Variants in TBC1D22A observed in about 807,000 individuals in gnomAD.
TBC1D22A encodes putative GTPase activator.
In TBC1D22A, 38 loss-of-function variants were observed where a neutral mutation model predicts 60.2. The ratio of observed to expected loss-of-function variants is 0.63; its 90% CI spans 0.49 to 0.83. The LOEUF (loss-of-function observed/expected upper bound fraction) is 0.83, where lower values mean the gene tolerates loss of function less well. Ranked by LOEUF, TBC1D22A falls within the 40% of genes least tolerant of loss-of-function variation. The probability of loss-of-function intolerance (pLI) is 0.00; values close to 1 mark genes in which losing one functional copy is unlikely to be tolerated. For missense variants in TBC1D22A, 628 were observed against 701.0 expected (o/e 0.90, Z 1.18); for synonymous variants, 302 against 281.7 (o/e 1.07, Z -0.72).
At chr22:47,123,316 G>T (rs959322387) in intron 12 of TBC1D22A, among the ~76,000 whole-genome samples, 4 of 152,192 alleles carry the variant, frequency 2.6e-5, no homozygotes, top group African/African-American at 9.7e-5. Context: ...GCTTACTGGG[G>T]GTTTCAGGCC....
chr22:46,842,677 G>A (rs936953729), intron 4 of TBC1D22A, among the ~76,000 whole-genome samples: 1 of 152,222 alleles, frequency 6.6e-6, no homozygotes, highest in Non-Finnish European at 1.5e-5. Context: ...CGCGATCTCC[G>A]ATCAAACTGT....
In TBC1D22A at chr22:46,788,494, G is replaced by A. The variant is rs774149304; in HGVS notation, c.63-4026G>A. On this transcript the variant is annotated intron_variant, in intron 1 of 12. Transcript: ENST00000337137. ...GGTTGGAGCTGAGCAGTGGCACGTG[G>A]CATGGTGGTCACAGGGCTGTTCCTT... is the stretch of plus-strand genomic sequence containing the variant. Among the ~76,000 whole-genome samples, 31 of 152,324 alleles carry A rather than the reference G, an allele frequency of 2.0e-4. No homozygotes were observed. The East Asian group carries it at 6.0e-3, about 29-fold the overall frequency.
chr22:46,877,370 A>G (rs1399761795), intron 4 of TBC1D22A, among the ~76,000 whole-genome samples: 1 of 152,240 alleles, frequency 6.6e-6, no homozygotes, highest in African/African-American at 2.4e-5. Context: ...AGGTTCAGAG[A>G]ACATTAACGA....
Position 46,912,265 on chromosome 22 carries a change from T to A in TBC1D22A, c.1015+77T>A, listed in dbSNP as rs2147784063. The A allele has an allele frequency of 3.8e-6, 4 of 1,049,680 alleles. No homozygotes were observed. In the South Asian group the frequency reaches 5.7e-5, roughly 15 times the overall value. The allele number at this position is 1,049,680 out of a possible 1,614,324, so 65.0% of individuals were successfully genotyped here. A position where few individuals can be genotyped will look rare whatever the true frequency, so the allele number is the denominator to read the frequency against. ...TTACTATGTATAATTATAACAATAT[T>A]GAAAATTGCTACTAAGTGTAATGTT... On this transcript the variant is annotated intron_variant, in intron 8 of 12. Transcript: ENST00000337137.
chr22:46,798,791 C>T (rs961178147), intron 4 of TBC1D22A, among the ~76,000 whole-genome samples: 3 of 152,196 alleles, frequency 2.0e-5, no homozygotes, highest in South Asian at 2.1e-4. Context: ...TGGCGAGTGG[C>T]GCACGCGGAT....
chr22:47,073,267 C>A (rs1402400018), intron 11 of TBC1D22A, among the ~76,000 whole-genome samples: 1 of 152,222 alleles, frequency 6.6e-6, no homozygotes, highest in Admixed American at 6.5e-5. Flanking sequence ...TTGTTCCAGG[C>A]TGTAGAAAGC....
chr22:46,957,846 C>T (rs1180319955), intron 8 of TBC1D22A, among the ~76,000 whole-genome samples: 1 of 152,220 alleles, frequency 6.6e-6, no homozygotes, highest in African/African-American at 2.4e-5. Context: ...GAGGGACGGC[C>T]ATCAAACAGT....
chr22:46,832,802 G>A (rs1305856814), intron 4 of TBC1D22A, among the ~76,000 whole-genome samples: 1 of 152,170 alleles, frequency 6.6e-6, no homozygotes, highest in African/African-American at 2.4e-5. Flanking sequence ...ATTGGCCAGC[G>A]ACATTCTCAC....
intron 11 of TBC1D22A, among the ~76,000 whole-genome samples, chr22:47,047,054 T>A (rs1277638860): frequency 6.6e-6 from 1 of 152,256 alleles, no homozygotes; most frequent in East Asian, 1.9e-4. Flanking sequence ...GCTTTAGGCC[T>A]GTTGTGGGAC....
intron 8 of TBC1D22A, among the ~76,000 whole-genome samples, chr22:46,923,033 C>T (rs2070845656): frequency 6.6e-6 from 1 of 152,150 alleles, no homozygotes; most frequent in Non-Finnish European, 1.5e-5. Flanking sequence ...AGCTTTTGTC[C>T]ATTCAGTGTG....
intron 8 of TBC1D22A, among the ~76,000 whole-genome samples, chr22:46,947,017 A>C (rs1188533055): frequency 2.0e-5 from 3 of 152,130 alleles, no homozygotes; most frequent in Non-Finnish European, 4.4e-5. Flanking sequence ...CAGGAGGAGC[A>C]AGTCTTCATC....
chr22:46,810,605 C>T (rs999476076), intron 4 of TBC1D22A, among the ~76,000 whole-genome samples: 2 of 152,110 alleles, frequency 1.3e-5, no homozygotes, highest in African/African-American at 4.8e-5. Context: ...ATTCAAATAA[C>T]AGACAATAAA....
intron 8 of TBC1D22A, among the ~76,000 whole-genome samples, chr22:46,944,720 A>G (rs1460224130): frequency 1.3e-5 from 2 of 152,228 alleles, no homozygotes; most frequent in East Asian, 3.8e-4. Context: ...TTTAAAAAAT[A>G]AAACTTTTCA....
chr22:47,034,723 T>G (rs145132805), intron 10 of TBC1D22A, among the ~76,000 whole-genome samples: 147 of 152,322 alleles, frequency 9.7e-4, no homozygotes, highest in African/African-American at 3.4e-3. Context: ...CCGGGGACTT[T>G]GGACGACGGA....
chr22:47,100,068 T>G (rs1252792968), intron 11 of TBC1D22A, among the ~76,000 whole-genome samples: 1 of 152,022 alleles, frequency 6.6e-6, no homozygotes, highest in African/African-American at 2.4e-5. Context: ...AAAGGCAGTG[T>G]TTGCAATGAA....
chr22:46,819,378 A>G (rs1257314347), intron 4 of TBC1D22A, among the ~76,000 whole-genome samples: 2 of 152,166 alleles, frequency 1.3e-5, no homozygotes, highest in Non-Finnish European at 2.9e-5. Context: ...TTCATCATAA[A>G]TAGCTCTTAT....
intron 8 of TBC1D22A, among the ~76,000 whole-genome samples, chr22:46,932,190 G>A (rs1346053092): frequency 1.3e-5 from 2 of 152,204 alleles, no homozygotes; most frequent in Non-Finnish European, 2.9e-5. Context: ...CGCTAAGCAG[G>A]TCATTACATG....
At chr22:46,926,234 C>G (rs537753970) in intron 8 of TBC1D22A, among the ~76,000 whole-genome samples, 5 of 152,200 alleles carry the variant, frequency 3.3e-5, no homozygotes, top group African/African-American at 1.2e-4. Flanking sequence ...ATTAACTTTC[C>G]ACTTTCCGAA....
intron 10 of TBC1D22A, among the ~76,000 whole-genome samples, chr22:47,002,348 C>T (rs778044821): frequency 2.6e-5 from 4 of 152,210 alleles, no homozygotes; most frequent in Non-Finnish European, 5.9e-5. Flanking sequence ...ATAGAATGGC[C>T]AGAGGAGTGG....
Sources: gnomAD v4.1 joint callset for allele counts (sites outside exome capture counted in the v4.1 genomes callset) on GRCh38, gnomAD v4.1.1 for gene constraint, MANE v1.5 for transcripts, NCBI Gene and HGNC (gene_info 2026-07-23, HGNC 2026-07-21) for gene names.